Variants in LTBP1 observed in about 807,000 individuals in gnomAD.
The protein encoded by LTBP1 is latent-transforming growth factor beta-binding protein 1.
Under a neutral mutation model 207.6 loss-of-function variants are expected in LTBP1, and 129 were observed. The observed-to-expected ratio is 0.62, with a 90% CI of 0.54 to 0.72. LTBP1 has a LOEUF of 0.72. Among genes scored for constraint, LTBP1 ranks in the 30% least tolerant of loss-of-function variants. LTBP1 has a pLI of 0.00. For synonymous variants in LTBP1, 963 were observed against 833.7 expected, an observed-to-expected ratio of 1.16 and a Z score of -2.67; for missense variants, 2,281 against 2,217.2, an observed-to-expected ratio of 1.03 and a Z score of -0.58.
At chr2:33,163,558 T>C (rs369082279) in intron 5 of LTBP1, among the ~76,000 whole-genome samples, 5 of 152,160 alleles carry the variant, frequency 3.3e-5, no homozygotes, top group Non-Finnish European at 4.4e-5. Context: ...AAGGAATAAA[T>C]TGAATGTATG....
At chr2:32,947,952 C>G in intron 1 of LTBP1, 134 bp downstream of exon 1, 2 of 696,740 alleles carry the variant, frequency 2.9e-6, no homozygotes, top group Non-Finnish European at 4.0e-6. Flanking sequence ...TTTCTCCTCC[C>G]GCCTCCGCCT....
intron 2 of LTBP1, among the ~76,000 whole-genome samples, chr2:33,002,927 CTCA>C (rs1558498747): frequency 1.3e-5 from 2 of 152,166 alleles, no homozygotes; most frequent in African/African-American, 4.8e-5. Context: ...ATCTGCCTGC[CTCA>C]GCCTCCCAAA....
chr2:32,990,106 A>C (rs57178729), intron 2 of LTBP1, among the ~76,000 whole-genome samples: 17,469 of 152,262 alleles, frequency 0.11, 1,315 homozygotes, highest in African/African-American at 0.2. Context: ...CCCAGTCTTT[A>C]AAAAAGGAAT....
At chr2:33,056,942 C>T (rs1010620240) in intron 3 of LTBP1, among the ~76,000 whole-genome samples, 3 of 152,040 alleles carry the variant, frequency 2.0e-5, no homozygotes, top group East Asian at 1.9e-4. Flanking sequence ...TACAGAGAGC[C>T]GATTGGTCCG....
intron 2 of LTBP1, among the ~76,000 whole-genome samples, chr2:32,979,155 A>G (rs1682349499): frequency 6.6e-6 from 1 of 150,560 alleles, no homozygotes; most frequent in South Asian, 2.1e-4. Flanking sequence ...TTTTCATTTC[A>G]TTGATCTTTT....
At position 33,017,613 on chromosome 2, in the gene LTBP1, G is replaced by T. The variant is rs1318208612; in HGVS notation, c.566-3296G>T. Among the ~76,000 whole-genome samples the T allele has an allele frequency of 2.6e-5, 4 of 152,058 alleles. No homozygotes were observed. The East Asian group carries it at 7.7e-4, about 29-fold the overall frequency. ...GTGATAGAAGGACATGAGTTGTTTT[G>T]TTTTGTTTTGTTTTGTTTTTTGAGA... On this transcript the variant is annotated intron_variant, in intron 2 of 33. Coordinates refer to ENST00000404816, the MANE Select transcript of LTBP1 (RefSeq NM_206943.4).
intron 2 of LTBP1, among the ~76,000 whole-genome samples, chr2:33,008,077 G>C (rs1025776367): frequency 1.8e-4 from 28 of 152,058 alleles, no homozygotes; most frequent in Admixed American, 1.5e-3. Context: ...ATGTTGATTT[G>C]CAAGTTGGCA....
At chr2:33,012,591 C>T (rs922378913) in intron 2 of LTBP1, among the ~76,000 whole-genome samples, 17 of 152,102 alleles carry the variant, frequency 1.1e-4, no homozygotes, top group African/African-American at 4.1e-4. Context: ...TTGTGTCTTT[C>T]CTATTGGACT....
intron 7 of LTBP1, among the ~76,000 whole-genome samples, chr2:33,212,739 A>G (rs908258932): frequency 5.9e-5 from 9 of 152,198 alleles, no homozygotes; most frequent in Admixed American, 3.9e-4. Context: ...AAGCATCCCA[A>G]ATCCAACAAT....
At position 33,342,311 on chromosome 2, in the gene LTBP1, G is replaced by A. The variant is rs140393692; in HGVS notation, c.3731-527G>A. ...ATCAAATCTTTTCTTTTGGCACTGG[G>A]ACTGACTGGCTACCCTGCTGACTTC... On this transcript the variant is annotated intron_variant, in intron 24 of 33. Coordinates refer to ENST00000404816, the MANE Select transcript of LTBP1 (RefSeq NM_206943.4). Among the ~76,000 whole-genome samples the A allele has an allele frequency of 1.9e-3, 285 of 152,324 alleles. 1 individual carries two copies. The highest frequency in any genetic ancestry group is 3.0e-3 in the Non-Finnish European group (204 of 68,030).
At chr2:32,950,659 T>G (rs558123835) in intron 2 of LTBP1, among the ~76,000 whole-genome samples, 3 of 150,794 alleles carry the variant, frequency 2.0e-5, no homozygotes, top group South Asian at 4.2e-4. Flanking sequence ...TGTACCTGGG[T>G]AGGGGAGATT....
At chr2:33,323,661 G>A (rs180807060) in intron 24 of LTBP1, among the ~76,000 whole-genome samples, 1 of 151,712 alleles carries the variant, frequency 6.6e-6, no homozygotes, top group African/African-American at 2.4e-5. Context: ...ATCATAAGTG[G>A]AACTATCCTA....
At chr2:33,333,714 T>G (rs991860780) in intron 24 of LTBP1, among the ~76,000 whole-genome samples, 1 of 152,112 alleles carries the variant, frequency 6.6e-6, no homozygotes, top group Non-Finnish European at 1.5e-5. Context: ...CTGTGAAATA[T>G]CCATGTGGGT....
At chr2:33,357,839 G>A (rs966590074) in intron 26 of LTBP1, among the ~76,000 whole-genome samples, 1 of 152,136 alleles carries the variant, frequency 6.6e-6, no homozygotes, top group Non-Finnish European at 1.5e-5. Flanking sequence ...TTAAGAAAAA[G>A]AGTATTCATT....
intron 11 of LTBP1, among the ~76,000 whole-genome samples, chr2:33,254,881 T>C (rs975244212): frequency 2.4e-5 from 3 of 123,716 alleles, no homozygotes; most frequent in African/African-American, 9.6e-5. Flanking sequence ...TTTTTTTTTT[T>C]TTGTATTTTC....
chr2:33,328,240 C>G (rs997201092), intron 24 of LTBP1, among the ~76,000 whole-genome samples: 1 of 152,000 alleles, frequency 6.6e-6, no homozygotes, highest in Non-Finnish European at 1.5e-5. Flanking sequence ...TTATAGTGAG[C>G]ATACCTGGTA....
intron 8 of LTBP1, among the ~76,000 whole-genome samples, chr2:33,220,666 T>G (rs971738056): frequency 1.3e-5 from 2 of 152,328 alleles, no homozygotes; most frequent in East Asian, 3.9e-4. Context: ...CAAGTTCATA[T>G]CCATCTCTTT....
intron 4 of LTBP1, among the ~76,000 whole-genome samples, chr2:33,111,737 T>C (rs1281613375): frequency 6.6e-6 from 1 of 152,184 alleles, no homozygotes; most frequent in Non-Finnish European, 1.5e-5. Context: ...CCATCCACTT[T>C]TTGTCTTTTG....
At chr2:32,967,487 C>T (rs1459230209) in intron 2 of LTBP1, among the ~76,000 whole-genome samples, 1 of 152,106 alleles carries the variant, frequency 6.6e-6, no homozygotes, top group Non-Finnish European at 1.5e-5. Flanking sequence ...ACTGCTTTCA[C>T]TGTATCCTGC....
Sources: gnomAD v4.1 joint callset for allele counts (sites outside exome capture counted in the v4.1 genomes callset) on GRCh38, gnomAD v4.1.1 for gene constraint, MANE v1.5 for transcripts, NCBI Gene and HGNC (gene_info 2026-07-23, HGNC 2026-07-21) for gene names.